Variants in NSUN3 observed in about 807,000 individuals in gnomAD.
NSUN3 encodes tRNA (cytosine(34)-C(5))-methyltransferase, mitochondrial.
A neutral mutation model predicts 36.8 loss-of-function variants in NSUN3; 24 were observed. The observed-to-expected ratio is 0.65, with a 90% CI of 0.47 to 0.92. The LOEUF is 0.92. Ranked by LOEUF, NSUN3 falls within the 40% of genes least tolerant of loss-of-function variation. The probability of loss-of-function intolerance (pLI) is 0.00; values close to 1 mark genes in which losing one functional copy is unlikely to be tolerated. For missense variants in NSUN3, 381 were observed against 392.8 expected (o/e 0.97, Z 0.25); for synonymous variants, 146 against 145.2 (o/e 1.01, Z -0.04).
intron 2 of NSUN3, chr3:94,081,964 T>A (rs2077270683): frequency 6.6e-6 from 1 of 152,204 alleles, no homozygotes; most frequent in South Asian, 2.1e-4. Context: ...AAGATAGCTT[T>A]GAAAATTCTG....
chr3:94,064,242 A>G, intron 1 of NSUN3, 195 bp from the exon 2 acceptor site: 1 of 563,984 alleles, frequency 1.8e-6, no homozygotes, highest in Admixed American at 3.2e-5. Flanking sequence ...TTGGAAAATA[A>G]TTATTTGGAA....
rs555261419 is a variant in NSUN3 at position 94,084,210 on chromosome 3, A to G, written c.226A>G (p.Thr76Ala). The G allele has an allele frequency of 2.5e-6, 4 of 1,614,120 alleles. No homozygotes were observed. In the South Asian group the frequency reaches 4.4e-5, roughly 18 times the overall value. Residue 76 changes from threonine (T) to alanine (A), a missense_variant, in exon 3 of 6, where the codon ACA becomes GCA. Physicochemically the swap from Thr to Ala is moderately conservative, Grantham distance 58. Coordinates refer to ENST00000314622, the MANE Select transcript of NSUN3 (RefSeq NM_022072.5). Reference sequence around the variant, plus strand: ...GGATTTACATTTGAAGGGCTATCACACACTCTCTCAGGGATCTTTACCCAA... The same window carrying G: ...GGATTTACATTTGAAGGGCTATCACGCACTCTCTCAGGGATCTTTACCCAA... ...EKDLHLKGYHTLSQGSLPNYP... is the reference protein window; with the variant it reads ...EKDLHLKGYHALSQGSLPNYP...
intron 3 of NSUN3, among the ~76,000 whole-genome samples, chr3:94,090,260 TAGTA>T (rs957546428): frequency 2.6e-5 from 4 of 152,168 alleles, no homozygotes; most frequent in African/African-American, 4.8e-5. Flanking sequence ...TGTCTCAATG[TAGTA>T]AGTGTTAGTA....
intron 5 of NSUN3, among the ~76,000 whole-genome samples, chr3:94,099,276 G>A (rs1162350063): frequency 2.0e-5 from 3 of 152,044 alleles, no homozygotes; most frequent in East Asian, 3.9e-4. Context: ...ATATCGTATA[G>A]CATTTCAATC....
chr3:94,066,038 C>G (rs2077203125), intron 2 of NSUN3, among the ~76,000 whole-genome samples: 1 of 150,110 alleles, frequency 6.7e-6, no homozygotes, highest in Non-Finnish European at 1.5e-5. Flanking sequence ...TGTACTGTCT[C>G]ATATCTGGGA....
chr3:94,127,740 A>C lies in NSUN3; in HGVS notation c.*1250A>C, dbSNP rs2077493292. On this transcript the variant is annotated 3_prime_UTR_variant, in exon 6 of 6. Coordinates refer to ENST00000314622, the MANE Select transcript of NSUN3 (RefSeq NM_022072.5). ...AAATACAAAATTCTGCTAAAGCTGA[A>C]TACTTTTGAATTGTTCATTATGTTC... 2 of 152,210 alleles carry C rather than the reference A, an allele frequency of 1.3e-5. No homozygotes were observed. Among genetic ancestry groups the C allele is most frequent in the Admixed American group, 1.3e-4 (2 of 15,280 alleles). The allele number at this position is 152,210 out of a possible 1,614,324, so 9.4% of individuals were successfully genotyped here.
In NSUN3 at chr3:94,099,550, C is replaced by T. The variant is rs2077356560; in HGVS notation, c.743+4396C>T. Reference sequence around the variant, plus strand: ...TCCCATTCTTTTCCTTCAGCAGCTGCTCTACATTCCCTGCCTCTGCTTCCT... The same window carrying T: ...TCCCATTCTTTTCCTTCAGCAGCTGTTCTACATTCCCTGCCTCTGCTTCCT... On this transcript the variant is annotated intron_variant, in intron 5 of 5. Transcript: ENST00000314622. Among the ~76,000 whole-genome samples the T allele has an allele frequency of 3.3e-5, 5 of 152,290 alleles. No homozygotes were observed. The South Asian group carries it at 1.0e-3, about 32-fold the overall frequency.
At chr3:94,113,611 A>T (rs1296198345) in intron 5 of NSUN3, among the ~76,000 whole-genome samples, 1 of 152,220 alleles carries the variant, frequency 6.6e-6, no homozygotes, top group African/African-American at 2.4e-5. Flanking sequence ...AAGCCACATC[A>T]GAAGAAAGTT....
intron 5 of NSUN3, among the ~76,000 whole-genome samples, chr3:94,112,421 G>C (rs747511006): frequency 6.6e-6 from 1 of 152,156 alleles, no homozygotes; most frequent in Non-Finnish European, 1.5e-5. Flanking sequence ...TATTAGTTAA[G>C]ACAGTTTTTC....
chr3:94,076,385 G>T (rs1452035195), intron 2 of NSUN3: 2 of 806,246 alleles, frequency 2.5e-6, no homozygotes, highest in South Asian at 1.3e-5. Flanking sequence ...TGAGTGGCTT[G>T]GTTTGGAAGT....
intron 2 of NSUN3, among the ~76,000 whole-genome samples, chr3:94,071,065 T>G (rs1025169778): frequency 2.0e-5 from 3 of 152,222 alleles, no homozygotes; most frequent in African/African-American, 7.2e-5. Flanking sequence ...GGCATAAAAA[T>G]GATGTTGAAT....
At chr3:94,108,966 A>G (rs2077404115) in intron 5 of NSUN3, among the ~76,000 whole-genome samples, 1 of 152,244 alleles carries the variant, frequency 6.6e-6, no homozygotes. Context: ...CACCCAGCCC[A>G]TTCATTTATT....
intron 2 of NSUN3, among the ~76,000 whole-genome samples, chr3:94,067,411 G>A (rs1401815561): frequency 2.0e-5 from 3 of 152,138 alleles, no homozygotes; most frequent in Non-Finnish European, 4.4e-5. Context: ...GAGTTCGGTT[G>A]TGTCCCAGTG....
chr3:94,083,707 C>T (rs1046848651), intron 2 of NSUN3, among the ~76,000 whole-genome samples: 8 of 152,012 alleles, frequency 5.3e-5, no homozygotes, highest in Non-Finnish European at 1.0e-4. Flanking sequence ...AAGGGAGTAG[C>T]GCCTGGTTCT....
chr3:94,099,963 C>G (rs2077358457), intron 5 of NSUN3, among the ~76,000 whole-genome samples: 1 of 151,976 alleles, frequency 6.6e-6, no homozygotes, highest in African/African-American at 2.4e-5. Context: ...TTTTATTTCA[C>G]AATATGAAAT....
rs34038547 is a variant in NSUN3 at position 94,129,681 on chromosome 3, A to G, written c.*3191A>G. The stretch of plus-strand genomic sequence containing the variant: ...TTTTTTAATGAGAAGATAAACCATA[A>G]TTATAATGAAATAGGTAATATTGAG... On this transcript the variant is annotated 3_prime_UTR_variant, in exon 6 of 6. Coordinates refer to ENST00000314622, the MANE Select transcript of NSUN3 (RefSeq NM_022072.5). 4.2e-3 allele frequency among the ~76,000 whole-genome samples: 637 copies of G among 151,556 alleles called. 4 individuals carry two copies. The highest frequency in any genetic ancestry group is 0.029 in the South Asian group (140 of 4,792).
At chr3:94,067,408 G>A (rs181169340) in intron 2 of NSUN3, among the ~76,000 whole-genome samples, 8 of 152,258 alleles carry the variant, frequency 5.3e-5, no homozygotes. Flanking sequence ...AGTGAGTTCG[G>A]TTGTGTCCCA....
At chr3:94,124,144 A>C (rs373276700) in intron 5 of NSUN3, among the ~76,000 whole-genome samples, 1 of 120,404 alleles carries the variant, frequency 8.3e-6, no homozygotes, top group East Asian at 2.6e-4. Context: ...TTATTATTTT[A>C]TTTCTTTTTT....
intron 5 of NSUN3, among the ~76,000 whole-genome samples, chr3:94,103,224 A>G (rs1349090982): frequency 6.6e-6 from 1 of 152,036 alleles, no homozygotes; most frequent in Non-Finnish European, 1.5e-5. Context: ...TTAGCTAAGC[A>G]TTGCAGATTT....
Sources: allele counts gnomAD v4.1 joint callset (sites outside exome capture counted in the v4.1 genomes callset), GRCh38; gene constraint gnomAD v4.1.1; transcripts MANE v1.5; gene names NCBI Gene and HGNC (gene_info 2026-07-23, HGNC 2026-07-21).